The following RYR3 variants were observed in gnomAD, a reference collection of about 807,000 sequenced individuals.
RYR3 encodes the protein ryanodine receptor 3.
In RYR3, 207 loss-of-function variants were observed where a neutral mutation model predicts 584.3. That is an observed-to-expected ratio of 0.35 (90% confidence interval 0.32 to 0.40). The LOEUF is 0.40. Among genes scored for constraint, RYR3 ranks in the 10% least tolerant of loss-of-function variants. The probability of loss-of-function intolerance (pLI) is 1.00; values close to 1 mark genes in which losing one functional copy is unlikely to be tolerated. For missense variants in RYR3, 5,616 were observed against 6,089.2 expected (o/e 0.92, Z 2.59); for synonymous variants, 2,416 against 2,248.5 (o/e 1.07, Z -2.11).
At chr15:33,734,209 C>A (rs1033058814) in intron 48 of RYR3, among the ~76,000 whole-genome samples, 1 of 152,136 alleles carries the variant, frequency 6.6e-6, no homozygotes, top group Non-Finnish European at 1.5e-5. Flanking sequence ...TATGTTACTG[C>A]TTCATTCAAC....
rs576584618 is a variant in RYR3, at chr15:33,860,048, C to T, written c.14299+317C>T. 2.0e-5 allele frequency among the ~76,000 whole-genome samples: 3 copies of T among 152,216 alleles called. No individual in the cohort carries two copies. The South Asian group carries it at 6.2e-4, about 32-fold the overall frequency. ...CTAGTCTTGTCCTCTTCATTTTCTT[C>T]CCAGAGAGGGAGGTAGGGTAGGAGC... is the stretch of plus-strand genomic sequence containing the variant. On this transcript the variant is annotated intron_variant, in intron 100 of 103. Transcript: ENST00000634891.
intron 32 of RYR3, among the ~76,000 whole-genome samples, chr15:33,656,711 C>T (rs944866701): frequency 5.9e-5 from 9 of 152,186 alleles, no homozygotes; most frequent in Middle Eastern, 3.4e-3. Flanking sequence ...GGTCTTAGGT[C>T]GTAGATTCTG....
At chr15:33,379,687 C>CTCTCTATATATATATATATATA in intron 1 of RYR3, among the ~76,000 whole-genome samples, 5 of 125,518 alleles carry the variant, frequency 4.0e-5, no homozygotes, top group African/African-American at 1.4e-4. Flanking sequence ...CTCTCTCTCT[C>CTCTCTATATATATATATATATA]TATATATATA....
At chr15:33,724,297 C>G (rs1201932489) in intron 45 of RYR3, 121 bp downstream of exon 45, 3 of 624,270 alleles carry the variant, frequency 4.8e-6, no homozygotes, top group Non-Finnish European at 8.4e-6. Context: ...TTTCTAGGTC[C>G]CTTTTAGCTA....
chr15:33,590,640 G>GTTTT (rs71117154), intron 16 of RYR3, among the ~76,000 whole-genome samples: 24 of 144,964 alleles, frequency 1.7e-4, no homozygotes, highest in African/African-American at 6.1e-4. Flanking sequence ...TTTTCATAGG[G>GTTTT]TTTTTTTTTT....
At chr15:33,570,314 C>T (rs1054410850) in intron 12 of RYR3, among the ~76,000 whole-genome samples, 14 of 152,054 alleles carry the variant, frequency 9.2e-5, no homozygotes, top group Non-Finnish European at 1.8e-4. Context: ...ATCAGATTTT[C>T]CCCTGCACAG....
chr15:33,555,105 A>G (rs1163473140), intron 10 of RYR3, among the ~76,000 whole-genome samples: 2 of 152,232 alleles, frequency 1.3e-5, no homozygotes, highest in Non-Finnish European at 2.9e-5. Context: ...CATTAAATTC[A>G]GTTTAGTAAA....
At chr15:33,377,255 CAT>C (rs1219825788) in intron 1 of RYR3, among the ~76,000 whole-genome samples, 1 of 152,236 alleles carries the variant, frequency 6.6e-6, no homozygotes, top group Non-Finnish European at 1.5e-5. Context: ...GCTCATGTCA[CAT>C]GAGTTGGGTG....
chr15:33,619,098 A>G (rs1004231041), intron 19 of RYR3, among the ~76,000 whole-genome samples: 1 of 152,238 alleles, frequency 6.6e-6, no homozygotes, highest in African/African-American at 2.4e-5. Flanking sequence ...TATGAGGTGA[A>G]AGAATCTAAG....
Position 33,733,389 on chromosome 15 carries a change from C to T in RYR3, c.7424+1695C>T, listed in dbSNP as rs1596350259. Among the ~76,000 whole-genome samples, 3 of 152,296 alleles carry T rather than the reference C, an allele frequency of 2.0e-5. No individual in the cohort carries two copies. The Middle Eastern group carries it at 0.01, about 518-fold the overall frequency. ...GCGAATGGATAAATAAACTGTGGTA[C>T]ATCAGACCATGGAATTTATTCAGTG... On this transcript the variant is annotated intron_variant, in intron 48 of 103. Transcript: ENST00000634891.
At chr15:33,650,441 T>C (rs575871747) in intron 31 of RYR3, among the ~76,000 whole-genome samples, 1 of 152,296 alleles carries the variant, frequency 6.6e-6, no homozygotes, top group South Asian at 2.1e-4. Context: ...CTTAGGGGTA[T>C]GACATTGGAC....
chr15:33,849,798 A>G (rs2078971125), intron 94 of RYR3: 1 of 152,156 alleles, frequency 6.6e-6, no homozygotes, highest in African/African-American at 2.4e-5. Flanking sequence ...CAAAGGTACA[A>G]CTAAGGATAT....
At chr15:33,582,837 A>C (rs368875913) in intron 14 of RYR3, among the ~76,000 whole-genome samples, 1 of 152,182 alleles carries the variant, frequency 6.6e-6, no homozygotes, top group Non-Finnish European at 1.5e-5. Flanking sequence ...GCCCTAGAGG[A>C]GGCCTTTCTT....
At chr15:33,592,173 T>G (rs1211400980) in intron 16 of RYR3, among the ~76,000 whole-genome samples, 1 of 152,180 alleles carries the variant, frequency 6.6e-6, no homozygotes. Context: ...TGGCTTAGCG[T>G]AGTCAAAATT....
intron 3 of RYR3, among the ~76,000 whole-genome samples, chr15:33,515,233 C>T (rs1024593121): frequency 6.6e-6 from 1 of 152,148 alleles, no homozygotes; most frequent in African/African-American, 2.4e-5. Context: ...ACCTCACCTC[C>T]ACAATGATAC....
At chr15:33,694,445 C>G (rs1031044192) in intron 38 of RYR3, among the ~76,000 whole-genome samples, 1 of 152,002 alleles carries the variant, frequency 6.6e-6, no homozygotes, top group Admixed American at 6.5e-5. Flanking sequence ...GGGGTTTCAC[C>G]GTGTTAGCCA....
chr15:33,668,243 G>C (rs1031283382), intron 36 of RYR3, among the ~76,000 whole-genome samples: 10 of 151,998 alleles, frequency 6.6e-5, no homozygotes, highest in Non-Finnish European at 1.5e-4. Flanking sequence ...CGTGAACCCG[G>C]GAGGCGGAGC....
At chr15:33,835,206 T>A in intron 87 of RYR3, 134 bp downstream of exon 87, 1 of 659,682 alleles carries the variant, frequency 1.5e-6, no homozygotes, top group Non-Finnish European at 2.5e-6. Flanking sequence ...CTCAGTTTTT[T>A]AAACTGAAGG....
chr15:33,585,960 T>C (rs2058827261), intron 15 of RYR3, 38 bp from the exon 16 acceptor site: 2 of 1,300,016 alleles, frequency 1.5e-6, no homozygotes, highest in Non-Finnish European at 2.2e-6. Context: ...CTGCAGGGCA[T>C]TTAATGTCCA....
Sources: gnomAD v4.1 joint callset for allele counts (sites outside exome capture counted in the v4.1 genomes callset) on GRCh38, gnomAD v4.1.1 for gene constraint, MANE v1.5 for transcripts, NCBI Gene and HGNC (gene_info 2026-07-23, HGNC 2026-07-21) for gene names.